CCSER2: variants seen among roughly 807,000 people sequenced by gnomAD.
CCSER2 encodes the protein coiled-coil serine rich protein 2.
In CCSER2, 46 loss-of-function variants were observed where a neutral mutation model predicts 92.3. The ratio of observed to expected loss-of-function variants is 0.50; its 90% CI spans 0.39 to 0.64. CCSER2 has a LOEUF of 0.64. Among genes scored for constraint, CCSER2 ranks in the 30% least tolerant of loss-of-function variants. The pLI is 0.00. For synonymous variants in CCSER2, 433 were observed against 431.4 expected (o/e 1.00, Z -0.04); for missense variants, 1,244 against 1,238.9 (o/e 1.00, Z -0.06).
At chr10:84,417,598 A>C (rs1842946851) in intron 3 of CCSER2, among the ~76,000 whole-genome samples, 173 bp from the exon 4 acceptor site, 2 of 152,232 alleles carry the variant, frequency 1.3e-5, no homozygotes, top group African/African-American at 4.8e-5. Context: ...GAAATAGCTT[A>C]ATTAAACTAG....
intron 1 of CCSER2, among the ~76,000 whole-genome samples, chr10:84,331,411 C>A (rs1402259366): frequency 6.6e-6 from 1 of 152,180 alleles, no homozygotes; most frequent in African/African-American, 2.4e-5. Context: ...TTCCTCTCAG[C>A]CAGATAGTTT....
intron 3 of CCSER2, among the ~76,000 whole-genome samples, chr10:84,379,299 A>G (rs893402621): frequency 2.6e-5 from 4 of 152,264 alleles, no homozygotes; most frequent in South Asian, 4.1e-4. Context: ...TTTCATTCCT[A>G]ATACTGGTTA....
At chr10:84,388,124 A>T (rs1422923126) in intron 3 of CCSER2, among the ~76,000 whole-genome samples, 1 of 152,168 alleles carries the variant, frequency 6.6e-6, no homozygotes, top group African/African-American at 2.4e-5. Flanking sequence ...TGGCCTCCCA[A>T]AGTGCTGGGA....
intron 1 of CCSER2, among the ~76,000 whole-genome samples, chr10:84,359,762 A>G (rs981228957): frequency 6.6e-6 from 1 of 152,026 alleles, no homozygotes; most frequent in Admixed American, 6.6e-5. Flanking sequence ...TTTATTTCCT[A>G]TCTCTTTCCC....
chr10:84,351,536 CTTTA>C (rs1218751660), intron 1 of CCSER2, among the ~76,000 whole-genome samples: 4 of 152,108 alleles, frequency 2.6e-5, no homozygotes, highest in Middle Eastern at 3.4e-3. Context: ...CCATGTCTGG[CTTTA>C]TTTATTTATT....
chr10:84,428,563 G>C (rs56121318), intron 5 of CCSER2, among the ~76,000 whole-genome samples: 19,271 of 152,158 alleles, frequency 0.13, 1,495 homozygotes, highest in Admixed American at 0.23. Flanking sequence ...TCTGCAAATA[G>C]TTTTTACCTT....
chr10:84,453,155 A>T (rs984863059), intron 6 of CCSER2, among the ~76,000 whole-genome samples: 1 of 148,474 alleles, frequency 6.7e-6, no homozygotes, highest in Non-Finnish European at 1.5e-5. Context: ...ATTTTATTTC[A>T]TTTTTTTTTT....
intron 9 of CCSER2, among the ~76,000 whole-genome samples, chr10:84,486,930 A>T (rs1396284927): frequency 6.6e-6 from 1 of 152,212 alleles, no homozygotes; most frequent in Non-Finnish European, 1.5e-5. Context: ...ATAAGGTATA[A>T]GGAAGGGATC....
chr10:84,435,220 G>C (rs890271965), intron 5 of CCSER2, among the ~76,000 whole-genome samples: 2 of 152,202 alleles, frequency 1.3e-5, no homozygotes, highest in Non-Finnish European at 2.9e-5. Flanking sequence ...TCAACAGCTA[G>C]TTACTGTCAG....
chr10:84,417,736 G>A (rs768211266), intron 3 of CCSER2, 35 bp from the exon 4 acceptor site: 2 of 996,478 alleles, frequency 2.0e-6, no homozygotes, highest in Admixed American at 3.4e-5. Flanking sequence ...CTTAGAGCTA[G>A]ATTATGGTAT....
chr10:84,410,678 G>A (rs1012312175), intron 3 of CCSER2, among the ~76,000 whole-genome samples: 13 of 152,120 alleles, frequency 8.5e-5, no homozygotes, highest in Admixed American at 5.2e-4. Context: ...TTTGTCAGAC[G>A]GATAGATTGC....
At chr10:84,339,258 C>T (rs1446675237) in intron 1 of CCSER2, among the ~76,000 whole-genome samples, 1 of 151,956 alleles carries the variant, frequency 6.6e-6, no homozygotes. Flanking sequence ...CCCACCTTGG[C>T]CTCCCAAAGT....
intron 5 of CCSER2, among the ~76,000 whole-genome samples, chr10:84,432,707 A>G (rs574513512): frequency 8.7e-4 from 132 of 152,326 alleles, no homozygotes; most frequent in Non-Finnish European, 1.3e-3. Context: ...TTTGCAGGAC[A>G]GATTTTCAAA....
At chr10:84,472,212 G>A (rs1373220764) in intron 8 of CCSER2, among the ~76,000 whole-genome samples, 1 of 152,116 alleles carries the variant, frequency 6.6e-6, no homozygotes, top group African/African-American at 2.4e-5. Flanking sequence ...GCAAAATCCA[G>A]TAACTTGCTT....
At chr10:84,467,807 G>T (rs74147572) in intron 7 of CCSER2, among the ~76,000 whole-genome samples, 3 of 152,044 alleles carry the variant, frequency 2.0e-5, no homozygotes, top group Non-Finnish European at 4.4e-5. Flanking sequence ...ATGCTCCTCT[G>T]TTCTTTTCTC....
intron 1 of CCSER2, among the ~76,000 whole-genome samples, chr10:84,360,337 T>C (rs1216109741): frequency 1.3e-5 from 2 of 152,176 alleles, no homozygotes; most frequent in Non-Finnish European, 2.9e-5. Context: ...TCAGTTGTGG[T>C]TCTTCTATAA....
At chr10:84,509,226 T>C (rs1401940717) in intron 9 of CCSER2, among the ~76,000 whole-genome samples, 9 of 152,224 alleles carry the variant, frequency 5.9e-5, no homozygotes, top group Admixed American at 5.9e-4. Context: ...TCATTAATGC[T>C]TCATCATTGA....
chr10:84,473,920 T>A (rs1846972487), intron 8 of CCSER2, among the ~76,000 whole-genome samples: 1 of 152,196 alleles, frequency 6.6e-6, no homozygotes, highest in South Asian at 2.1e-4. Flanking sequence ...TTTTAAAAAA[T>A]ATACATTCAA....
intron 1 of CCSER2, among the ~76,000 whole-genome samples, chr10:84,332,392 ATAT>A (rs1843604544): frequency 7.5e-6 from 1 of 133,658 alleles, no homozygotes; most frequent in Admixed American, 7.5e-5. Flanking sequence ...TATAGATTTT[ATAT>A]TATTAAATTT....
Sources: gnomAD v4.1 joint callset for allele counts (sites outside exome capture counted in the v4.1 genomes callset) on GRCh38, gnomAD v4.1.1 for gene constraint, MANE v1.5 for transcripts, NCBI Gene and HGNC (gene_info 2026-07-23, HGNC 2026-07-21) for gene names.